RIMS1: variants seen among roughly 807,000 people sequenced by gnomAD.
RIMS1 encodes the protein regulating synaptic membrane exocytosis protein 1.
RIMS1 carries 83 observed loss-of-function variants against 214.1 expected under a neutral mutation model. The ratio of observed to expected loss-of-function variants is 0.39; its 90% CI spans 0.32 to 0.47. The LOEUF (loss-of-function observed/expected upper bound fraction) is 0.47. Ranked by LOEUF, RIMS1 falls within the 20% of genes least tolerant of loss-of-function variation. RIMS1 has a pLI of 0.99. For synonymous variants in RIMS1, 793 were observed against 786.8 expected (o/e 1.01, Z -0.13); for missense variants, 2,050 against 2,161.8 (o/e 0.95, Z 1.03).
intron 2 of RIMS1, among the ~76,000 whole-genome samples, chr6:72,065,743 T>C (rs1829135381): frequency 6.6e-6 from 1 of 152,166 alleles, no homozygotes; most frequent in Admixed American, 6.5e-5. Context: ...ACAGAAAGGT[T>C]CTATGACTTG....
chr6:72,080,265 A>G (rs940051827), intron 2 of RIMS1, among the ~76,000 whole-genome samples: 1 of 151,964 alleles, frequency 6.6e-6, no homozygotes, highest in Non-Finnish European at 1.5e-5. Flanking sequence ...CTCCATCTCA[A>G]AAATAAAATA....
intron 30 of RIMS1, among the ~76,000 whole-genome samples, chr6:72,391,508 C>A (rs559534635): frequency 1.3e-5 from 2 of 152,024 alleles, no homozygotes; most frequent in African/African-American, 4.8e-5. Context: ...GGAGATTCAC[C>A]ACATATAAAT....
At chr6:72,165,544 T>C (rs1423327694) in intron 4 of RIMS1, among the ~76,000 whole-genome samples, 1 of 152,206 alleles carries the variant, frequency 6.6e-6, no homozygotes, top group Non-Finnish European at 1.5e-5. Context: ...TCTCTTTTCA[T>C]GTGGTATTGC....
intron 2 of RIMS1, among the ~76,000 whole-genome samples, chr6:72,094,386 C>G (rs2030494453): frequency 6.6e-6 from 1 of 151,968 alleles, no homozygotes. Context: ...GGTCAGTGCC[C>G]TGCCTGTATA....
At chr6:72,189,782 G>A (rs896300277) in intron 6 of RIMS1, among the ~76,000 whole-genome samples, 15 of 152,238 alleles carry the variant, frequency 9.9e-5, no homozygotes, top group Non-Finnish European at 1.5e-4. Flanking sequence ...GGCCCATTGG[G>A]CGATGACAGA....
intron 4 of RIMS1, among the ~76,000 whole-genome samples, chr6:72,152,468 C>A (rs1416916244): frequency 6.6e-6 from 1 of 152,040 alleles, no homozygotes; most frequent in Non-Finnish European, 1.5e-5. Flanking sequence ...TTTCTGACAT[C>A]TTTAAGGCAT....
At chr6:72,063,167 A>G (rs929357908) in intron 2 of RIMS1, among the ~76,000 whole-genome samples, 18 of 152,192 alleles carry the variant, frequency 1.2e-4, no homozygotes, top group African/African-American at 3.6e-4. Flanking sequence ...TTATCACACT[A>G]AAAGGGACAA....
chr6:71,938,630 G>A (rs991563912), intron 1 of RIMS1, among the ~76,000 whole-genome samples: 1 of 152,166 alleles, frequency 6.6e-6, no homozygotes, highest in South Asian at 2.1e-4. Flanking sequence ...AATTCAGGGA[G>A]CAGAAACCTG....
At chr6:72,086,796 A>G (rs533414735) in intron 2 of RIMS1, among the ~76,000 whole-genome samples, 1 of 152,310 alleles carries the variant, frequency 6.6e-6, no homozygotes, top group South Asian at 2.1e-4. Context: ...AAATTGAACT[A>G]CCTCAGAGAT....
At chr6:72,087,491 G>T (rs1307621105) in intron 2 of RIMS1, among the ~76,000 whole-genome samples, 1 of 152,194 alleles carries the variant, frequency 6.6e-6, no homozygotes, top group Non-Finnish European at 1.5e-5. Flanking sequence ...GGTGGAGAAG[G>T]ACTCTCAGAT....
chr6:72,059,034 T>G (rs534734859), intron 2 of RIMS1, among the ~76,000 whole-genome samples: 3 of 152,310 alleles, frequency 2.0e-5, no homozygotes, highest in Non-Finnish European at 2.9e-5. Context: ...AAAAGGAACC[T>G]CCATTCAGAA....
intron 2 of RIMS1, among the ~76,000 whole-genome samples, chr6:72,037,054 C>A (rs1056460547): frequency 3.3e-5 from 5 of 151,888 alleles, no homozygotes; most frequent in Non-Finnish European, 2.9e-5. Context: ...GCCCAGAACC[C>A]TTTGCCATCA....
intron 4 of RIMS1, among the ~76,000 whole-genome samples, chr6:72,169,758 A>G (rs1411087324): frequency 6.6e-6 from 1 of 152,122 alleles, no homozygotes; most frequent in Non-Finnish European, 1.5e-5. Flanking sequence ...ACACAAAAAA[A>G]CAAAAATTAG....
intron 21 of RIMS1, 39 bp downstream of exon 21, chr6:72,265,542 T>C (rs1286562572): frequency 7.9e-7 from 1 of 1,266,362 alleles, no homozygotes; most frequent in Admixed American, 1.8e-5. Flanking sequence ...GTTTCCCTTG[T>C]TTATTGTTGT....
chr6:71,999,592 T>C (rs988718773), intron 2 of RIMS1, among the ~76,000 whole-genome samples: 1 of 152,164 alleles, frequency 6.6e-6, no homozygotes, highest in African/African-American at 2.4e-5. Context: ...TATATAAACA[T>C]TGACAGCTTG....
At chr6:72,154,177 A>G (rs73530612) in intron 4 of RIMS1, among the ~76,000 whole-genome samples, 2,008 of 95,958 alleles carry the variant, frequency 0.021, 161 homozygotes, top group African/African-American at 0.052. Context: ...TGCTAGGAGA[A>G]TAATTACATG....
intron 24 of RIMS1, among the ~76,000 whole-genome samples, chr6:72,286,100 G>A (rs1241626956): frequency 6.6e-6 from 1 of 152,068 alleles, no homozygotes; most frequent in East Asian, 1.9e-4. Flanking sequence ...GGGAGGCTGA[G>A]GCAGGAGAAT....
intron 2 of RIMS1, among the ~76,000 whole-genome samples, chr6:72,002,739 G>A (rs969580811): frequency 6.6e-6 from 1 of 152,184 alleles, no homozygotes; most frequent in Non-Finnish European, 1.5e-5. Context: ...ACAAAAATAG[G>A]ATTGGGTAGG....
At chr6:72,037,590 G>T (rs994148443) in intron 2 of RIMS1, among the ~76,000 whole-genome samples, 2 of 151,948 alleles carry the variant, frequency 1.3e-5, no homozygotes, top group Non-Finnish European at 2.9e-5. Context: ...ACAATTTGAT[G>T]AGTTTGGACA....
Sources: gnomAD v4.1 joint callset for allele counts (sites outside exome capture counted in the v4.1 genomes callset) on GRCh38, gnomAD v4.1.1 for gene constraint, MANE v1.5 for transcripts, NCBI Gene and HGNC (gene_info 2026-07-23, HGNC 2026-07-21) for gene names.